The following SP100 variants were observed in gnomAD, a reference collection of about 807,000 sequenced individuals.
SP100 encodes nuclear autoantigen Sp-100.
In SP100, 84 loss-of-function variants were observed where a neutral mutation model predicts 130.0. The observed-to-expected ratio is 0.65, with a 90% CI of 0.54 to 0.77. The LOEUF (loss-of-function observed/expected upper bound fraction) is 0.77. Ranked by LOEUF, SP100 falls within the 30% of genes least tolerant of loss-of-function variation. The pLI is 0.00. For missense variants in SP100, 978 were observed against 1,052.2 expected (o/e 0.93, Z 0.97); for synonymous variants, 331 against 351.7 (o/e 0.94, Z 0.66).
chr2:230,477,439 T>C (rs1167714646), intron 17 of SP100, among the ~76,000 whole-genome samples: 2 of 152,184 alleles, frequency 1.3e-5, no homozygotes, highest in African/African-American at 4.8e-5. Flanking sequence ...TATTGTTTTA[T>C]ATTTGATTCT....
intron 24 of SP100, among the ~76,000 whole-genome samples, chr2:230,535,021 C>T (rs1349076487): frequency 1.3e-5 from 2 of 151,820 alleles, no homozygotes; most frequent in African/African-American, 2.4e-5. Context: ...ATGGTGAAAC[C>T]CCGTCTCTAC....
intron 2 of SP100, among the ~76,000 whole-genome samples, chr2:230,441,432 G>T (rs2063463976): frequency 6.6e-6 from 1 of 152,080 alleles, no homozygotes; most frequent in African/African-American, 2.4e-5. Context: ...GCCACAAAAA[G>T]ACTTGTACAA....
chr2:230,416,354 A>G, intron 1 of SP100, 26 bp downstream of exon 1: 1 of 1,605,604 alleles, frequency 6.2e-7, no homozygotes, highest in South Asian at 1.1e-5. Context: ...CCTTCCTTTA[A>G]CCTTTATCTC....
chr2:230,525,635 G>T (rs1160566952), intron 24 of SP100, among the ~76,000 whole-genome samples: 3 of 152,146 alleles, frequency 2.0e-5, no homozygotes, highest in African/African-American at 7.2e-5. Flanking sequence ...AGCACAAGGG[G>T]TGGGGGGATT....
intron 17 of SP100, among the ~76,000 whole-genome samples, chr2:230,475,437 G>A (rs2065492110): frequency 6.6e-6 from 1 of 152,162 alleles, no homozygotes; most frequent in East Asian, 1.9e-4. Flanking sequence ...CTGGATATCA[G>A]ACCTTCGTTA....
intron 24 of SP100, among the ~76,000 whole-genome samples, chr2:230,536,213 T>C (rs1691933193): frequency 6.6e-6 from 1 of 152,032 alleles, no homozygotes; most frequent in African/African-American, 2.4e-5. Flanking sequence ...TAGTATTCAG[T>C]TAACTTTTGA....
intron 17 of SP100, among the ~76,000 whole-genome samples, chr2:230,481,616 A>G (rs1374914842): frequency 6.6e-6 from 1 of 152,144 alleles, no homozygotes; most frequent in African/African-American, 2.4e-5. Flanking sequence ...CCTATTCTCC[A>G]TTCAGCAGTT....
intron 24 of SP100, among the ~76,000 whole-genome samples, chr2:230,531,668 A>T (rs796469809): frequency 6.6e-6 from 1 of 152,238 alleles, no homozygotes; most frequent in Non-Finnish European, 1.5e-5. Context: ...TTTCACATAC[A>T]TGCTTGCATT....
intron 2 of SP100, among the ~76,000 whole-genome samples, chr2:230,429,018 G>A (rs1417869235): frequency 1.3e-5 from 2 of 152,172 alleles, no homozygotes; most frequent in African/African-American, 4.8e-5. Flanking sequence ...TTCTGACTTT[G>A]ACTGTATATT....
chr2:230,520,410 A>C (rs973436278), intron 24 of SP100, among the ~76,000 whole-genome samples: 2 of 152,154 alleles, frequency 1.3e-5, no homozygotes, highest in African/African-American at 4.8e-5. Flanking sequence ...CAGAGCTCCT[A>C]TTTTACACCG....
chr2:230,490,043 G>C (rs564253393), intron 17 of SP100, among the ~76,000 whole-genome samples: 10 of 152,280 alleles, frequency 6.6e-5, no homozygotes, highest in African/African-American at 2.4e-4. Flanking sequence ...TTGATCCACA[G>C]CTGAGTTCAA....
At chr2:230,432,342 T>G (rs1010569795) in intron 2 of SP100, among the ~76,000 whole-genome samples, 8 of 152,222 alleles carry the variant, frequency 5.3e-5, no homozygotes, top group African/African-American at 1.9e-4. Context: ...AATGCTGTCC[T>G]GGGTATTTGC....
rs1242703833 is a variant in SP100, at chr2:230,494,398, T to C, written c.1601-18T>C. On this transcript the variant is annotated intron_variant, in intron 17 of 28. Transcript: ENST00000340126. Reference sequence around the variant, plus strand: ...TTTATAGTTCTAAAGGATTATTTTCTTTCTTTTCTGTTTGCAGGAAAAAAG... The same window carrying C: ...TTTATAGTTCTAAAGGATTATTTTCCTTCTTTTCTGTTTGCAGGAAAAAAG... The C allele has an allele frequency of 2.6e-6, 4 of 1,548,650 alleles. No homozygotes were observed. The South Asian group carries it at 4.5e-5, about 17-fold the overall frequency.
At chr2:230,435,296 T>C (rs1168274753) in intron 2 of SP100, among the ~76,000 whole-genome samples, 1 of 152,226 alleles carries the variant, frequency 6.6e-6, no homozygotes, top group Non-Finnish European at 1.5e-5. Context: ...TTAAGCTGCC[T>C]GTTCAGGTCC....
chr2:230,474,153 C>A (rs2065417274), intron 16 of SP100, among the ~76,000 whole-genome samples: 1 of 152,136 alleles, frequency 6.6e-6, no homozygotes, highest in South Asian at 2.1e-4. Context: ...GTTGCTGTCC[C>A]TGTTTCATAA....
intron 11 of SP100, among the ~76,000 whole-genome samples, chr2:230,465,774 A>G (rs1051397852): frequency 6.6e-6 from 1 of 152,176 alleles, no homozygotes; most frequent in Non-Finnish European, 1.5e-5. Flanking sequence ...AAAAAGAGGC[A>G]TTTCCAAATA....
At chr2:230,531,103 T>C (rs993401268) in intron 24 of SP100, among the ~76,000 whole-genome samples, 1 of 152,156 alleles carries the variant, frequency 6.6e-6, no homozygotes, top group Non-Finnish European at 1.5e-5. Flanking sequence ...CATGCTACTA[T>C]AAAGACACAT....
intron 17 of SP100, among the ~76,000 whole-genome samples, chr2:230,482,378 C>T (rs2065875014): frequency 6.6e-6 from 1 of 152,124 alleles, no homozygotes. Flanking sequence ...GCTCAGTTGA[C>T]CACACTGGTG....
intron 4 of SP100, among the ~76,000 whole-genome samples, chr2:230,446,379 G>A (rs1161623991): frequency 6.6e-6 from 1 of 152,184 alleles, no homozygotes; most frequent in Non-Finnish European, 1.5e-5. Flanking sequence ...AAAGTGCTGT[G>A]ATTACAGGTG....
Sources: gnomAD v4.1 joint callset for allele counts (sites outside exome capture counted in the v4.1 genomes callset) on GRCh38, gnomAD v4.1.1 for gene constraint, MANE v1.5 for transcripts, NCBI Gene and HGNC (gene_info 2026-07-23, HGNC 2026-07-21) for gene names.